Variants in SFMBT1 observed in about 807,000 individuals in gnomAD.
The protein encoded by SFMBT1 is scm-like with four MBT domains protein 1.
A neutral mutation model predicts 108.7 loss-of-function variants in SFMBT1; 32 were observed. The ratio of observed to expected loss-of-function variants is 0.29; its 90% CI spans 0.22 to 0.40. The LOEUF is 0.40. Ranked by LOEUF, SFMBT1 falls within the 10% of genes least tolerant of loss-of-function variation. The pLI, the probability that SFMBT1 is intolerant of heterozygous loss-of-function variation, is 1.00. For missense variants in SFMBT1, 816 were observed against 1,059.6 expected, an observed-to-expected ratio of 0.77 and a Z score of 3.19; for synonymous variants, 348 against 369.5, an observed-to-expected ratio of 0.94 and a Z score of 0.67.
intron 5 of SFMBT1, among the ~76,000 whole-genome samples, chr3:52,933,913 G>A (rs950818240): frequency 5.9e-5 from 9 of 152,062 alleles, no homozygotes; most frequent in Admixed American, 5.2e-4. Flanking sequence ...AAATGTTTAC[G>A]CTGCAAACAA....
In SFMBT1 at chr3:52,954,320, T is replaced by C; in HGVS notation, c.120A>G (p.Lys40=). 6.2e-7 allele frequency: 1 copy of C among 1,610,116 alleles called. No individual in the cohort carries two copies. Among genetic ancestry groups the C allele is most frequent in the Non-Finnish European group, 8.5e-7 (1 of 1,177,508 alleles). The part of the protein sequence containing the change: ...GSTAVPYGSF[K]HVDTRLQNGF... The stretch of plus-strand genomic sequence containing the variant: ...GGCAAATATAGTTATTGCTTACATG[T>C]TTAAAAGACCCATAGGGAACTGCTG... Residue 40 remains lysine, a synonymous_variant, in exon 3 of 21, where the codon AAA becomes AAG. Coordinates refer to ENST00000394752, the MANE Select transcript of SFMBT1 (RefSeq NM_016329.4).
rs1383736172 is a variant in SFMBT1 at position 52,920,570 on chromosome 3, C to T, written c.1339G>A (p.Gly447Ser). 6.8e-6 allele frequency: 11 copies of T among 1,613,772 alleles called. No homozygotes were observed. The highest frequency in any genetic ancestry group is 2.2e-5 in the East Asian group (1 of 44,882). The change falls in exon 12 of 21, where the codon GGC (glycine) becomes AGC (serine). Residue 447 changes from glycine (G) to serine (S), a missense_variant. Gly to Ser is a moderately conservative substitution (Grantham distance 56). This residue lies in a region of SFMBT1 where 495 missense variants were observed against 607.4 expected (regional missense o/e 0.81). Coordinates refer to ENST00000394752, the MANE Select transcript of SFMBT1 (RefSeq NM_016329.4). Reference protein sequence around the residue: ...IFPLGWCETNGHPLSTPRRAR... With the variant: ...IFPLGWCETNSHPLSTPRRAR... Reference sequence around the variant, plus strand: ...CGGCGAGGAGTGCTGAGGGGGTGGCCGTTGGTTTCACACCAGCCCAAAGGA... The same window carrying T: ...CGGCGAGGAGTGCTGAGGGGGTGGCTGTTGGTTTCACACCAGCCCAAAGGA...
intron 1 of SFMBT1, among the ~76,000 whole-genome samples, chr3:52,982,283 T>C (rs1163692750): frequency 6.6e-6 from 1 of 152,182 alleles, no homozygotes; most frequent in African/African-American, 2.4e-5. Flanking sequence ...GAAAAAGTCC[T>C]GAAAGCCATC....
chr3:52,949,568 C>CTTTTTTTTTTTTTT lies in SFMBT1; in HGVS notation c.123+4735_123+4748dup, dbSNP rs59842273. ...CCCTTTATTATTATGTAATGTCCTT[C>CTTTTTTTTTTTTTT]TTTTTTTTTTTTTTTTTTTTTTTTT... On this transcript the variant is annotated intron_variant, in intron 3 of 20. Coordinates refer to ENST00000394752, the MANE Select transcript of SFMBT1 (RefSeq NM_016329.4). Among the ~76,000 whole-genome samples, 22 of 77,412 alleles carry CTTTTTTTTTTTTTT rather than the reference C, an allele frequency of 2.8e-4. 1 individual carries two copies. The highest frequency in any genetic ancestry group is 1.2e-3 in the African/African-American group (21 of 17,554). 50.8% of individuals were successfully genotyped at this position (77,412 alleles called of 152,430 possible). A position where few individuals can be genotyped will look rare whatever the true frequency, so the allele number is the denominator to read the frequency against.
intron 1 of SFMBT1, 92 bp from the exon 2 acceptor site, chr3:52,969,350 C>CT: frequency 7.7e-7 from 1 of 1,291,494 alleles, no homozygotes; most frequent in Non-Finnish European, 1.0e-6. Context: ...TGAGAGATGA[C>CT]ATAAGACAAA....
At chr3:52,931,092 G>C in intron 6 of SFMBT1, 57 bp from the exon 7 acceptor site, 2 of 1,491,120 alleles carry the variant, frequency 1.3e-6, no homozygotes, top group Non-Finnish European at 1.9e-6. Context: ...CTTTTTACCT[G>C]TCCTGAAAGC....
chr3:52,921,776 A>G lies in SFMBT1; in HGVS notation c.1187T>C (p.Ile396Thr). ...AGCAACACACACTTCTTCAGGGAGAATGGGGTTCACCGCCTCGAGCTTCAT... is the reference window on the plus strand; with the variant it reads ...AGCAACACACACTTCTTCAGGGAGAGTGGGGTTCACCGCCTCGAGCTTCAT... The part of the protein sequence containing the change: ...ENMKLEAVNP[I>T]LPEEVCVATI... The change falls in exon 11 of 21, where the codon ATT becomes ACT. Residue 396 changes from isoleucine to threonine, a missense_variant. Around this residue, in one of 5 missense-constraint regions of SFMBT1, gnomAD observed 495 missense variants for 607.4 expected, o/e 0.81. Coordinates refer to ENST00000394752, the MANE Select transcript of SFMBT1 (RefSeq NM_016329.4). 2 of 1,614,082 alleles carry G rather than the reference A, an allele frequency of 1.2e-6. No homozygotes were observed. Among genetic ancestry groups the G allele is most frequent in the Non-Finnish European group, 1.7e-6 (2 of 1,179,990 alleles).
In SFMBT1 at chr3:52,905,198, T is replaced by C. The variant is rs200975156; in HGVS notation, c.2539A>G (p.Ile847Val). 9.3e-6 allele frequency: 15 copies of C among 1,614,024 alleles called. No individual in the cohort carries two copies. The highest frequency in any genetic ancestry group is 1.1e-5 in the Non-Finnish European group (13 of 1,179,990). ...CTCTCTATGTGATGGCAAAGTTTGA[T>C]GGCAGGGCCCAATTTTAAGTCCATG... ...ECMDLKLGPA[I>V]KLCHHIERIK... is the part of the protein sequence containing the mutation. Residue 847 changes from isoleucine (I) to valine (V), a missense_variant, in exon 21 of 21, where the codon ATC becomes GTC. This residue lies in a region of SFMBT1 where 49 missense variants were observed against 91.8 expected (regional missense o/e 0.53). Transcript: ENST00000394752.
At chr3:53,006,862 T>C (rs1008336225) in intron 1 of SFMBT1, among the ~76,000 whole-genome samples, 1 of 152,202 alleles carries the variant, frequency 6.6e-6, no homozygotes, top group Non-Finnish European at 1.5e-5. Flanking sequence ...AAGTAGAACA[T>C]TTGCTATATT....
intron 1 of SFMBT1, among the ~76,000 whole-genome samples, chr3:53,032,402 T>G (rs1417137063): frequency 6.6e-6 from 1 of 151,908 alleles, no homozygotes; most frequent in Non-Finnish European, 1.5e-5. Context: ...ATTGATATCC[T>G]TGGGATGGAC....
chr3:52,941,593 C>CAA (rs145581859), intron 4 of SFMBT1, among the ~76,000 whole-genome samples: 3,769 of 63,898 alleles, frequency 0.059, 444 homozygotes, highest in African/African-American at 0.11. Flanking sequence ...GACTCTGTTT[C>CAA]AAAAAAAAAA....
At chr3:52,978,577 TAG>T (rs1309439072) in intron 1 of SFMBT1, among the ~76,000 whole-genome samples, 1 of 152,138 alleles carries the variant, frequency 6.6e-6, no homozygotes. Flanking sequence ...GTGTTAAACA[TAG>T]AGTTACCATA....
intron 2 of SFMBT1, among the ~76,000 whole-genome samples, chr3:52,968,821 C>A (rs561119277): frequency 2.0e-5 from 3 of 152,222 alleles, no homozygotes; most frequent in Admixed American, 2.0e-4. Context: ...TCTCGATCTC[C>A]TGACCTCGTG....
chr3:53,013,438 G>A (rs185476450), intron 1 of SFMBT1, among the ~76,000 whole-genome samples: 2 of 151,328 alleles, frequency 1.3e-5, no homozygotes, highest in East Asian at 3.9e-4. Flanking sequence ...GTGAGTTTCT[G>A]CTAAATTCAC....
At chr3:52,919,677 A>G (rs896314244) in intron 12 of SFMBT1, among the ~76,000 whole-genome samples, 5 of 152,334 alleles carry the variant, frequency 3.3e-5, no homozygotes, top group Admixed American at 2.0e-4. Context: ...TCTGGCTTCC[A>G]TCTTCCTCAA....
At chr3:52,949,571 T>C (rs1440688471) in intron 3 of SFMBT1, among the ~76,000 whole-genome samples, 1 of 111,040 alleles carries the variant, frequency 9.0e-6, no homozygotes, top group African/African-American at 3.4e-5. Flanking sequence ...TGTCCTTCTT[T>C]TTTTTTTTTT....
intron 9 of SFMBT1, 40 bp from the exon 10 acceptor site, chr3:52,926,153 C>T (rs776514395): frequency 2.6e-6 from 4 of 1,559,948 alleles, no homozygotes; most frequent in African/African-American, 2.8e-5. Flanking sequence ...CACTACCACA[C>T]CACATACGCC....
At chr3:52,989,209 G>A (rs547090877) in intron 1 of SFMBT1, among the ~76,000 whole-genome samples, 13 of 152,034 alleles carry the variant, frequency 8.6e-5, no homozygotes, top group African/African-American at 3.1e-4. Flanking sequence ...TCTAAGATTA[G>A]GACTTACCAA....
intron 17 of SFMBT1, among the ~76,000 whole-genome samples, chr3:52,908,493 C>T (rs1275259209): frequency 6.6e-6 from 1 of 152,144 alleles, no homozygotes; most frequent in Non-Finnish European, 1.5e-5. Flanking sequence ...TTTCCTTTCT[C>T]CCTTAAATTT....
Sources: gnomAD v4.1 joint callset for allele counts (sites outside exome capture counted in the v4.1 genomes callset) on GRCh38, gnomAD v4.1.1 for gene constraint, gnomAD v4.1.1 regional missense constraint, MANE v1.5 for transcripts, NCBI Gene and HGNC (gene_info 2026-07-23, HGNC 2026-07-21) for gene names.